WNK3: variants seen among roughly 807,000 people sequenced by gnomAD.
The protein encoded by WNK3 is serine/threonine-protein kinase WNK3.
Under a neutral mutation model 116.7 loss-of-function variants are expected in WNK3, and 18 were observed. That is an observed-to-expected ratio of 0.15 (90% CI 0.11 to 0.23). The LOEUF is 0.23. Ranked by LOEUF, WNK3 falls within the 10% of genes least tolerant of loss-of-function variation. WNK3 has a pLI of 1.00. For synonymous variants in WNK3, 404 were observed against 469.4 expected (o/e 0.86, Z 1.80); for missense variants, 993 against 1,323.8 (o/e 0.75, Z 3.88).
chrX:54,326,859 G>A (rs894919326), intron 2 of WNK3, among the ~76,000 whole-genome samples: 6 of 109,804 alleles, frequency 5.5e-5, no homozygotes, highest in Non-Finnish European at 9.5e-5. Flanking sequence ...GGTGGCAAGC[G>A]CCTGTAGTCC....
Position 54,333,782 on chromosome X carries a change from TC to T in WNK3, c.-110del. 1 of 539,965 alleles carries T rather than the reference TC, an allele frequency of 1.9e-6. No individual in the cohort carries two copies. The highest frequency in any genetic ancestry group is 2.9e-6 in the Non-Finnish European group (1 of 347,510). The allele number at this position is 539,965 out of a possible 1,213,427, so 44.5% of individuals were successfully genotyped here. On this transcript the variant is annotated 5_prime_UTR_variant, in exon 2 of 24. The change abolishes the stop of an existing upstream ORF in the 5' untranslated region. Coordinates refer to ENST00000354646, the Ensembl canonical transcript of WNK3. ...ACTTCCTTTTGCGTGGTCATGTATT[TC>T]CATAGCAACCTGAAGGGGGGGAAAA...
intron 19 of WNK3, 86 bp downstream of exon 19, chrX:54,238,256 G>A: frequency 3.9e-6 from 4 of 1,033,920 alleles, no homozygotes; most frequent in Non-Finnish European, 5.1e-6. Flanking sequence ...AACAAAAATG[G>A]AAGTATCATC....
chrX:54,326,521 T>A (rs1557173474), intron 2 of WNK3, among the ~76,000 whole-genome samples: 1 of 110,526 alleles, frequency 9.0e-6, no homozygotes, highest in African/African-American at 3.3e-5. Context: ...CTGAGCAACA[T>A]AGCAAAACCC....
intron 21 of WNK3, 33 bp downstream of exon 21, chrX:54,232,776 A>G (rs1277124113): frequency 8.6e-7 from 1 of 1,159,096 alleles, no homozygotes; most frequent in Non-Finnish European, 1.2e-6. Flanking sequence ...CTTGGACTAG[A>G]TTTTTTAAAA....
chrX:54,257,057 G>A (rs1344827778), intron 11 of WNK3, among the ~76,000 whole-genome samples: 1 of 111,605 alleles, frequency 9.0e-6, no homozygotes, highest in African/African-American at 3.3e-5. Context: ...AGATGAAAGC[G>A]GACTGGCTGG....
intron 5 of WNK3, among the ~76,000 whole-genome samples, chrX:54,305,307 G>C (rs2068811538): frequency 8.9e-6 from 1 of 111,847 alleles, no homozygotes; most frequent in Non-Finnish European, 1.9e-5. Flanking sequence ...CATACAATGA[G>C]TGCAACAGTG....
At chrX:54,217,448 C>T (rs2067711949) in intron 22 of WNK3, among the ~76,000 whole-genome samples, 1 of 108,731 alleles carries the variant, frequency 9.2e-6, no homozygotes, top group African/African-American at 3.4e-5. Context: ...GGTAAAACCC[C>T]ATCTCTACTA....
chrX:54,204,064 T>C (rs1311304902), intron 22 of WNK3, among the ~76,000 whole-genome samples: 1 of 111,925 alleles, frequency 8.9e-6, no homozygotes, highest in Non-Finnish European at 1.9e-5. Context: ...ATATGCATAG[T>C]CTGTGATTTT....
At chrX:54,205,283 C>T (rs868923874) in intron 22 of WNK3, among the ~76,000 whole-genome samples, 1 of 99,404 alleles carries the variant, frequency 1.0e-5, no homozygotes, top group Admixed American at 1.1e-4. Context: ...AAACAAACAA[C>T]AAAAAAAAGA....
intron 2 of WNK3, among the ~76,000 whole-genome samples, chrX:54,322,138 C>T (rs782749691): frequency 2.7e-5 from 3 of 111,513 alleles, no homozygotes; most frequent in Non-Finnish European, 5.6e-5. Flanking sequence ...TGTGAGCATT[C>T]GGTTCATTTG....
chrX:54,265,486 GA>G, intron 10 of WNK3, among the ~76,000 whole-genome samples: 1 of 110,110 alleles, frequency 9.1e-6, no homozygotes, highest in Middle Eastern at 4.7e-3. Flanking sequence ...GACTCCGTCT[GA>G]AAAAAAAGAG....
At chrX:54,238,816 T>G (rs1557150853) in intron 18 of WNK3, 52 bp downstream of exon 18, 1 of 956,988 alleles carries the variant, frequency 1.0e-6, no homozygotes, top group Non-Finnish European at 1.4e-6. Flanking sequence ...AAAAAATAAG[T>G]AAATGAAAAG....
intron 22 of WNK3, among the ~76,000 whole-genome samples, chrX:54,224,349 TC>T (rs2067805607): frequency 2.1e-5 from 2 of 96,655 alleles, no homozygotes; most frequent in Admixed American, 1.1e-4. Context: ...CGAAACTCCA[TC>T]TAAAAAAAAA....
chrX:54,272,519 C>T (rs781946300), intron 10 of WNK3, among the ~76,000 whole-genome samples: 26 of 111,634 alleles, frequency 2.3e-4, no homozygotes, highest in Admixed American at 5.7e-4. Flanking sequence ...GCCAGCTAGT[C>T]TCAGAAACTG....
chrX:54,299,794 T>C (rs2068738842), intron 6 of WNK3, among the ~76,000 whole-genome samples: 1 of 111,345 alleles, frequency 9.0e-6, no homozygotes, highest in African/African-American at 3.3e-5. Flanking sequence ...TTATTTATAG[T>C]GAATTTTTAC....
chrX:54,313,445 G>A (rs1006309030), intron 2 of WNK3, among the ~76,000 whole-genome samples: 19 of 108,901 alleles, frequency 1.7e-4, no homozygotes, highest in Non-Finnish European at 3.4e-4. Context: ...TCCGTCTCCC[G>A]GGTTCAAGCA....
chrX:54,305,852 A>C (rs914954769), intron 5 of WNK3, among the ~76,000 whole-genome samples: 2 of 110,258 alleles, frequency 1.8e-5, no homozygotes, highest in Non-Finnish European at 3.8e-5. Context: ...TCAGGAGTTC[A>C]AGACCATCCT....
At chrX:54,291,331 C>T (rs1455660318) in intron 10 of WNK3, among the ~76,000 whole-genome samples, 5 of 111,072 alleles carry the variant, frequency 4.5e-5, no homozygotes, top group South Asian at 7.6e-4. Flanking sequence ...CAAAACAAAA[C>T]GAAACAAAAC....
chrX:54,255,601 T>C, intron 12 of WNK3, 139 bp downstream of exon 12: 1 of 467,022 alleles, frequency 2.1e-6, no homozygotes, highest in Non-Finnish European at 3.3e-6. Flanking sequence ...AATACTCACA[T>C]TGGAAAGTCT....
Sources: gnomAD v4.1 joint callset for allele counts (sites outside exome capture counted in the v4.1 genomes callset) on GRCh38, gnomAD v4.1.1 for gene constraint, MANE v1.5 for transcripts, NCBI Gene and HGNC (gene_info 2026-07-23, HGNC 2026-07-21) for gene names.